Variants in TSPAN18 observed in about 807,000 individuals in gnomAD.
TSPAN18 encodes tetraspanin 18.
In TSPAN18, 14 loss-of-function variants were observed where a neutral mutation model predicts 27.3. The observed-to-expected ratio is 0.51, with a 90% CI of 0.34 to 0.80. TSPAN18 has a LOEUF of 0.80. Ranked by LOEUF, TSPAN18 falls within the 30% of genes least tolerant of loss-of-function variation. TSPAN18 has a pLI of 0.01. For synonymous variants in TSPAN18, 143 were observed against 136.5 expected (o/e 1.05, Z -0.33); for missense variants, 268 against 323.9 (o/e 0.83, Z 1.32).
intron 3 of TSPAN18, among the ~76,000 whole-genome samples, chr11:44,884,520 C>A (rs1858585072): frequency 6.6e-6 from 1 of 152,182 alleles, no homozygotes; most frequent in African/African-American, 2.4e-5. Context: ...TTGGAAAGAT[C>A]CCCCCTGTGC....
intron 3 of TSPAN18, among the ~76,000 whole-genome samples, chr11:44,881,912 A>C (rs2135260942): frequency 6.6e-6 from 1 of 152,284 alleles, no homozygotes; most frequent in Middle Eastern, 3.4e-3. Context: ...TTCCCATAGA[A>C]TCTCTTCTCT....
At chr11:44,739,628 C>T (rs1854882544) in intron 1 of TSPAN18, among the ~76,000 whole-genome samples, 1 of 151,952 alleles carries the variant, frequency 6.6e-6, no homozygotes, top group South Asian at 2.1e-4. Context: ...GACTCCGTCT[C>T]AAAAAGAAAA....
intron 2 of TSPAN18, among the ~76,000 whole-genome samples, chr11:44,773,425 A>C (rs545431731): frequency 1.0e-3 from 158 of 151,950 alleles, no homozygotes; most frequent in African/African-American, 3.4e-3. Context: ...TCAAAAAAAA[A>C]CCCAAAAAAC....
At chr11:44,828,186 G>T (rs1489223069) in intron 2 of TSPAN18, among the ~76,000 whole-genome samples, 4 of 152,148 alleles carry the variant, frequency 2.6e-5, no homozygotes, top group Non-Finnish European at 4.4e-5. Context: ...GATGCGTATG[G>T]TCTTTACCTA....
At chr11:44,808,786 C>T (rs200416325) in intron 2 of TSPAN18, among the ~76,000 whole-genome samples, 4 of 152,084 alleles carry the variant, frequency 2.6e-5, no homozygotes, top group African/African-American at 9.6e-5. Context: ...TCTCCCTCAC[C>T]GTGGTTTGTG....
At chr11:44,794,761 T>TA (rs1207884189) in intron 2 of TSPAN18, among the ~76,000 whole-genome samples, 1 of 152,122 alleles carries the variant, frequency 6.6e-6, no homozygotes, top group Non-Finnish European at 1.5e-5. Flanking sequence ...ATAAGCTACT[T>TA]AACCTGCTGA....
At chr11:44,903,837 C>T (rs778907156) in intron 3 of TSPAN18, 4 of 456,602 alleles carry the variant, frequency 8.8e-6, no homozygotes, top group African/African-American at 2.0e-5. Flanking sequence ...TCACCACTCA[C>T]TAGCTGTGAC....
chr11:44,884,038 C>T (rs1401830968), intron 3 of TSPAN18, among the ~76,000 whole-genome samples: 6 of 152,176 alleles, frequency 3.9e-5, no homozygotes, highest in Non-Finnish European at 5.9e-5. Flanking sequence ...ACCGTCTCTT[C>T]CCCAGGGATG....
chr11:44,834,683 G>A (rs1857228377), intron 2 of TSPAN18, among the ~76,000 whole-genome samples: 1 of 144,574 alleles, frequency 6.9e-6, no homozygotes, highest in Non-Finnish European at 1.6e-5. Context: ...ACCTGGTCAT[G>A]TTGCTAAACT....
intron 6 of TSPAN18, among the ~76,000 whole-genome samples, chr11:44,918,822 C>A (rs1014809945): frequency 6.6e-6 from 1 of 151,752 alleles, no homozygotes; most frequent in Non-Finnish European, 1.5e-5. Flanking sequence ...ACTTCCTGCC[C>A]GGTCCTGTAG....
rs186722315 is a variant in TSPAN18, at chr11:44,929,478, G to A, written c.*300G>A. On this transcript the variant is annotated 3_prime_UTR_variant, in exon 10 of 10. Transcript: ENST00000520358. ...AGACCAAAGGAACACCAGGCCCAGC[G>A]CCCTCTTTGGTCCAGCCAGACCCTG... The A allele has an allele frequency of 6.6e-5, 27 of 409,658 alleles. No individual in the cohort carries two copies. Among genetic ancestry groups the A allele is most frequent in the East Asian group, 2.5e-4 (6 of 24,228 alleles). 25.4% of individuals were successfully genotyped at this position (409,658 alleles called of 1,614,324 possible). A position where few individuals can be genotyped will look rare whatever the true frequency, so the allele number is the denominator to read the frequency against.
chr11:44,908,934 C>T (rs913991038), intron 4 of TSPAN18, among the ~76,000 whole-genome samples: 1 of 152,102 alleles, frequency 6.6e-6, no homozygotes, highest in Non-Finnish European at 1.5e-5. Context: ...CTTTTGACCA[C>T]AAGGAAGCTA....
intron 2 of TSPAN18, among the ~76,000 whole-genome samples, chr11:44,823,123 CT>C (rs1452768636): frequency 2.6e-5 from 4 of 152,224 alleles, no homozygotes; most frequent in Non-Finnish European, 4.4e-5. Flanking sequence ...TTCTCAGCCA[CT>C]TTGCCAATCA....
At chr11:44,790,181 G>GCATGTGTGTGTGTGCA (rs1365184989) in intron 2 of TSPAN18, among the ~76,000 whole-genome samples, 21 of 150,874 alleles carry the variant, frequency 1.4e-4, no homozygotes, top group Admixed American at 8.6e-4. Flanking sequence ...GTGTGTGTGC[G>GCATGTGTGTGTGTGCA]CATATGTGTG....
At chr11:44,784,510 C>T (rs1440475646) in intron 2 of TSPAN18, among the ~76,000 whole-genome samples, 1 of 152,206 alleles carries the variant, frequency 6.6e-6, no homozygotes, top group Non-Finnish European at 1.5e-5. Context: ...CTGGGTTGGA[C>T]TCCGTGCTCT....
intron 1 of TSPAN18, among the ~76,000 whole-genome samples, chr11:44,757,897 T>C (rs1280327358): frequency 1.3e-5 from 2 of 152,262 alleles, no homozygotes; most frequent in Non-Finnish European, 1.5e-5. Context: ...TTTGCAAATA[T>C]GTTCTCCCAT....
intron 2 of TSPAN18, among the ~76,000 whole-genome samples, chr11:44,831,112 C>T (rs1171611325): frequency 6.6e-6 from 1 of 152,074 alleles, no homozygotes; most frequent in Non-Finnish European, 1.5e-5. Context: ...GACTCTGTCT[C>T]AAAAACAACA....
At chr11:44,927,515 G>A (rs1237622751) in intron 9 of TSPAN18, among the ~76,000 whole-genome samples, 3 of 152,298 alleles carry the variant, frequency 2.0e-5, no homozygotes, top group South Asian at 2.1e-4. Context: ...CATGAACTTC[G>A]CCTTGCCTGG....
chr11:44,911,158 G>C (rs1395681775), intron 5 of TSPAN18, among the ~76,000 whole-genome samples: 2 of 152,232 alleles, frequency 1.3e-5, no homozygotes, highest in African/African-American at 4.8e-5. Flanking sequence ...GCCCTGTTTA[G>C]AGAAGCGTGG....
Sources: allele counts gnomAD v4.1 joint callset (sites outside exome capture counted in the v4.1 genomes callset), GRCh38; gene constraint gnomAD v4.1.1; transcripts MANE v1.5; gene names NCBI Gene and HGNC (gene_info 2026-07-23, HGNC 2026-07-21).